Variants in PIAS1 observed in about 807,000 individuals in gnomAD.
PIAS1 encodes E3 SUMO-protein ligase PIAS1.
PIAS1 carries 6 observed loss-of-function variants against 71.3 expected under a neutral mutation model. That is an observed-to-expected ratio of 0.08 (90% confidence interval 0.05 to 0.17). PIAS1 has a LOEUF of 0.17. Among genes scored for constraint, PIAS1 ranks in the 10% least tolerant of loss-of-function variants. The pLI, the probability that PIAS1 is intolerant of heterozygous loss-of-function variation, is 1.00. For missense variants in PIAS1, 555 were observed against 793.6 expected (o/e 0.70, Z 3.61); for synonymous variants, 303 against 292.9 (o/e 1.03, Z -0.35).
In PIAS1 at chr15:68,191,236, A is replaced by T. The variant is rs2141116638; in HGVS notation, c.*3401A>T. On this transcript the variant is annotated 3_prime_UTR_variant, in exon 14 of 14. Coordinates refer to ENST00000249636, the MANE Select transcript of PIAS1 (RefSeq NM_016166.3). ...GATAAAGTTACCATAAATTCCATGA[A>T]CTTAAATCTGTGATTCATTGCCTTA... is the stretch of plus-strand genomic sequence containing the variant. 1 of 152,784 alleles carries T rather than the reference A, an allele frequency of 6.5e-6. No homozygotes were observed. The allele number at this position is 152,784 out of a possible 1,614,324, so 9.5% of individuals were successfully genotyped here. A position where few individuals can be genotyped will look rare whatever the true frequency, so the allele number is the denominator to read the frequency against.
intron 2 of PIAS1, among the ~76,000 whole-genome samples, chr15:68,131,628 A>G (rs778931377): frequency 6.6e-6 from 1 of 152,188 alleles, no homozygotes. Context: ...ATTTCACTTA[A>G]TAAGCATAGT....
At chr15:68,165,502 A>G (rs1042496930) in intron 8 of PIAS1, among the ~76,000 whole-genome samples, 1 of 152,218 alleles carries the variant, frequency 6.6e-6, no homozygotes, top group African/African-American at 2.4e-5. Flanking sequence ...CATTTTGCTA[A>G]CAATGACCAC....
At chr15:68,132,066 AAAG>A (rs2092691851) in intron 2 of PIAS1, among the ~76,000 whole-genome samples, 1 of 151,802 alleles carries the variant, frequency 6.6e-6, no homozygotes, top group Admixed American at 6.6e-5. Context: ...GAAAAGAAAA[AAAG>A]AAAGAAGAAC....
At chr15:68,131,969 A>C (rs953238500) in intron 2 of PIAS1, among the ~76,000 whole-genome samples, 1 of 141,874 alleles carries the variant, frequency 7.0e-6, no homozygotes, top group Non-Finnish European at 1.6e-5. Context: ...TTGGGAAGCC[A>C]AGGCAAGTGG....
chr15:68,137,099 A>G (rs940552490), intron 2 of PIAS1, among the ~76,000 whole-genome samples: 1 of 152,332 alleles, frequency 6.6e-6, no homozygotes, highest in East Asian at 1.9e-4. Context: ...CAACCATTTG[A>G]AAAGCACTCT....
At position 68,165,225 on chromosome 15, in the gene PIAS1, G is replaced by A. The variant is rs183653495; in HGVS notation, c.1008+421G>A. On this transcript the variant is annotated intron_variant, in intron 8 of 13. Coordinates refer to ENST00000249636, the MANE Select transcript of PIAS1 (RefSeq NM_016166.3). ...CAACCTCTGCCTCCCGGGTTCAGGC[G>A]ATTCTCCTGCCTCAGCCTCCTGAGT... Among the ~76,000 whole-genome samples, 356 of 152,188 alleles carry A rather than the reference G, an allele frequency of 2.3e-3. 2 individuals are homozygous for A. Among genetic ancestry groups the A allele is most frequent in the Middle Eastern group, 6.8e-3 (2 of 294 alleles).
rs2093085211 is a variant in PIAS1, at chr15:68,185,996, C to T, written c.1663-1546C>T. 6.6e-6 allele frequency among the ~76,000 whole-genome samples: 1 copy of T among 151,662 alleles called. No homozygotes were observed. Among genetic ancestry groups the T allele is most frequent in the Non-Finnish European group, 1.5e-5 (1 of 67,894 alleles). Reference sequence around the variant, plus strand: ...CAAAACAAACAAAAAAAACATGGGCCCTAACAATGAAAGGTTTTCATTAAT... The same window carrying T: ...CAAAACAAACAAAAAAAACATGGGCTCTAACAATGAAAGGTTTTCATTAAT... On this transcript the variant is annotated intron_variant, in intron 13 of 13. Coordinates refer to ENST00000249636, the MANE Select transcript of PIAS1 (RefSeq NM_016166.3). This position sits in a 1 kb window ranked among gnomAD's most constrained non-coding sequence, Gnocchi z 4.4.
rs909238680 is a variant in PIAS1 at position 68,174,247 on chromosome 15, A to G, written c.1169+355A>G. 5.3e-5 allele frequency among the ~76,000 whole-genome samples: 8 copies of G among 152,172 alleles called. No homozygotes were observed. The highest frequency in any genetic ancestry group is 1.9e-4 in the African/African-American group (8 of 41,440). Reference sequence around the variant, plus strand: ...ATATTGGAACAAGAATGTATGGGGAAATTTGGGTTAACTCAGGTTCATCCA... The same window carrying G: ...ATATTGGAACAAGAATGTATGGGGAGATTTGGGTTAACTCAGGTTCATCCA... On this transcript the variant is annotated intron_variant, in intron 9 of 13. Coordinates refer to ENST00000249636, the MANE Select transcript of PIAS1 (RefSeq NM_016166.3). This position sits in a 1 kb window ranked among gnomAD's most constrained non-coding sequence, Gnocchi z 4.0.
intron 2 of PIAS1, among the ~76,000 whole-genome samples, chr15:68,111,529 AC>A (rs1384126508): frequency 6.6e-6 from 1 of 152,336 alleles, no homozygotes; most frequent in East Asian, 1.9e-4. Flanking sequence ...GTTCAGGAGT[AC>A]CTAATTGGCC....
intron 1 of PIAS1, among the ~76,000 whole-genome samples, chr15:68,058,092 C>A (rs1057173450): frequency 2.0e-5 from 3 of 151,974 alleles, no homozygotes; most frequent in Non-Finnish European, 4.4e-5. Context: ...TGCTGGTAAC[C>A]AGGGATAAGA....
chr15:68,082,810 A>T, intron 1 of PIAS1, among the ~76,000 whole-genome samples: 1 of 152,150 alleles, frequency 6.6e-6, no homozygotes, highest in East Asian at 1.9e-4. Flanking sequence ...GAACTAGCTA[A>T]AAAGACTTGA....
At position 68,171,970 on chromosome 15, in the gene PIAS1, A is replaced by G. The variant is rs2038843238; in HGVS notation, c.1009-1762A>G. Among the ~76,000 whole-genome samples, 1 of 151,932 alleles carries G rather than the reference A, an allele frequency of 6.6e-6. No homozygotes were observed. Among genetic ancestry groups the G allele is most frequent in the African/African-American group, 2.4e-5 (1 of 41,346 alleles). ...ACTTTAAGTTCTATGGTACATGTGC[A>G]CAACGTGCAGGTATACATGTGCCAT... On this transcript the variant is annotated intron_variant, in intron 8 of 13. Transcript: ENST00000249636. The surrounding 1 kb of genome is among the most constrained non-coding windows in gnomAD (Gnocchi z 4.4).
rs1448466123 is a variant in PIAS1, at chr15:68,174,469, C to A, written c.1169+577C>A. Among the ~76,000 whole-genome samples the A allele has an allele frequency of 6.6e-6, 1 of 152,210 alleles. No individual in the cohort carries two copies. The highest frequency in any genetic ancestry group is 1.5e-5 in the Non-Finnish European group (1 of 68,044). On this transcript the variant is annotated intron_variant, in intron 9 of 13. Transcript: ENST00000249636. The surrounding 1 kb of genome is among the most constrained non-coding windows in gnomAD (Gnocchi z 4.0). ...AAATTTTCTTCTATTCTGCAGCCCCCTTTTCCTCCTGCTTTTTGCCACTAA... is the reference window on the plus strand; with the variant it reads ...AAATTTTCTTCTATTCTGCAGCCCCATTTTCCTCCTGCTTTTTGCCACTAA...
chr15:68,183,644 C>T lies in PIAS1; in HGVS notation c.1639C>T (p.Pro547Ser). Residue 547 changes from proline (P) to serine (S), a missense_variant, in exon 13 of 14, where the codon CCT (proline) becomes TCT (serine). Pro to Ser is a moderately conservative substitution (Grantham distance 74, BLOSUM62 -1). Transcript: ENST00000249636. Reference protein sequence around the residue: ...PYDLQGLDFFPFLSGDNQHYN... With the variant: ...PYDLQGLDFFSFLSGDNQHYN... ...TTCTTCCACAGGATTAGATTTCTTT[C>T]CTTTCTTATCAGGAGACAATCAGGT... 1 of 1,125,720 alleles carries T rather than the reference C, an allele frequency of 8.9e-7. No individual in the cohort carries two copies. The highest frequency in any genetic ancestry group is 1.3e-6 in the Non-Finnish European group (1 of 772,790). The allele number at this position is 1,125,720 out of a possible 1,614,324, so 69.7% of individuals were successfully genotyped here. A position where few individuals can be genotyped will look rare whatever the true frequency, so the allele number is the denominator to read the frequency against.
At chr15:68,141,814 C>T in intron 2 of PIAS1, 132 bp from the exon 3 acceptor site, 1 of 579,996 alleles carries the variant, frequency 1.7e-6, no homozygotes, top group Non-Finnish European at 3.1e-6. Flanking sequence ...TTTTTCAGTG[C>T]TTTAATTGCC....
chr15:68,168,363 T>C (rs2141083031), intron 8 of PIAS1, among the ~76,000 whole-genome samples: 1 of 152,270 alleles, frequency 6.6e-6, no homozygotes, highest in South Asian at 2.1e-4. Flanking sequence ...AAAAAGCACG[T>C]TTTATTGACA....
At chr15:68,061,747 CTT>C (rs1263881481) in intron 1 of PIAS1, among the ~76,000 whole-genome samples, 1 of 152,174 alleles carries the variant, frequency 6.6e-6, no homozygotes, top group Non-Finnish European at 1.5e-5. Context: ...TCTATAAAAA[CTT>C]TGAATGGCTT....
intron 3 of PIAS1, 64 bp from the exon 4 acceptor site, chr15:68,142,226 C>A: frequency 7.3e-7 from 1 of 1,372,098 alleles, no homozygotes; most frequent in Non-Finnish European, 1.0e-6. Flanking sequence ...GTAACAAGGT[C>A]TTTGAATGAA....
intron 7 of PIAS1, among the ~76,000 whole-genome samples, chr15:68,163,094 T>C (rs2092935748): frequency 6.6e-6 from 1 of 152,170 alleles, no homozygotes; most frequent in African/African-American, 2.4e-5. Context: ...TAGCCCTTCG[T>C]TTAGTTAGTT....
Sources: allele counts gnomAD v4.1 joint callset (sites outside exome capture counted in the v4.1 genomes callset), GRCh38; gene constraint gnomAD v4.1.1; non-coding constraint Gnocchi (gnomAD v3.1); transcripts MANE v1.5; gene names NCBI Gene and HGNC (gene_info 2026-07-23, HGNC 2026-07-21).